THNSL1: variants seen among roughly 807,000 people sequenced by gnomAD.
THNSL1 encodes threonine synthase like 1.
THNSL1 carries 48 observed loss-of-function variants against 50.4 expected under a neutral mutation model. The ratio of observed to expected loss-of-function variants is 0.95; its 90% confidence interval spans 0.76 to 1.21. The LOEUF is 1.21. THNSL1 is among the 50% of genes most tolerant of loss of function. The pLI, the probability that THNSL1 is intolerant of heterozygous loss-of-function variation, is 0.00. For missense variants in THNSL1, 896 were observed against 871.7 expected, an observed-to-expected ratio of 1.03 and a Z score of -0.35; for synonymous variants, 309 against 306.1, an observed-to-expected ratio of 1.01 and a Z score of -0.10.
the THNSL1 span, among the ~76,000 whole-genome samples, chr10:24,981,431 T>C: frequency 1.3e-5 from 2 of 152,204 alleles, no homozygotes; most frequent in South Asian, 2.1e-4. Context: ...AATATAGTTA[T>C]CATTTTTGTG....
chr10:25,003,912 G>A, the THNSL1 span, among the ~76,000 whole-genome samples: 1 of 152,148 alleles, frequency 6.6e-6, no homozygotes, highest in African/African-American at 2.4e-5. Flanking sequence ...CACTTTAAGT[G>A]AGAATTTAGC....
At chr10:25,016,134 C>T (rs938372463), upstream of THNSL1, 1 of 1,246,000 alleles carries the variant, frequency 8.0e-7, no homozygotes. Flanking sequence ...TATTTCTCTC[C>T]GGATTGCTAA....
Position 25,024,680 on chromosome 10 carries a change from C to T in THNSL1, c.1457C>T (p.Ala486Val). 3 of 1,614,228 alleles carry T rather than the reference C, an allele frequency of 1.9e-6. No individual in the cohort carries two copies. Among genetic ancestry groups the T allele is most frequent in the Non-Finnish European group, 1.7e-6 (2 of 1,180,040 alleles). ...CCGCAGGTAGTTTATCATGCTTCCG[C>T]ATATCTTGATCTTGTTAGTCAAGGA... ...LLPQVVYHAS[A>V]YLDLVSQGFI... The change falls in exon 3 of 3, where the codon GCA becomes GTA. Residue 486 changes from alanine to valine, a missense_variant. By Grantham distance (64) the Ala-to-Val change is moderately conservative. Coordinates refer to ENST00000376356, the MANE Select transcript of THNSL1 (RefSeq NM_024838.5).
chr10:25,022,135 T>C (rs1045649416), intron 2 of THNSL1, among the ~76,000 whole-genome samples: 2 of 152,190 alleles, frequency 1.3e-5, no homozygotes, highest in African/African-American at 4.8e-5. Flanking sequence ...ACATGAACAT[T>C]GCACAGGTAT....
chr10:25,005,367 A>G, the THNSL1 span, among the ~76,000 whole-genome samples: 1 of 152,240 alleles, frequency 6.6e-6, no homozygotes, highest in Admixed American at 6.5e-5. Flanking sequence ...TCATTAAGAC[A>G]GTAAATTTAC....
chr10:24,958,788 A>C, the THNSL1 span, among the ~76,000 whole-genome samples: 1 of 152,230 alleles, frequency 6.6e-6, no homozygotes, highest in African/African-American at 2.4e-5. Context: ...GACCTGAGGA[A>C]TATCAGCAGT....
At position 25,025,291 on chromosome 10, in the gene THNSL1, AG is replaced by A. The variant is rs1383341179; in HGVS notation, c.2069del (p.Ser690IlefsTer20). ...KIKEINETSS[S>X]QLYLLGSYNA... is the part of the protein sequence containing the mutation. Reference sequence around the variant, plus strand: ...TAAAGAAATCAATGAGACTTCATCAAGTCAGCTCTATTTGCTGGGTTCATAC... The same window carrying A: ...TAAAGAAATCAATGAGACTTCATCAATCAGCTCTATTTGCTGGGTTCATAC... On this transcript the variant is annotated frameshift_variant, in exon 3 of 3. Transcript: ENST00000376356. LOFTEE classifies it high-confidence loss of function. The A allele has an allele frequency of 6.2e-7, 1 of 1,614,074 alleles. No homozygotes were observed. The highest frequency in any genetic ancestry group is 1.3e-5 in the African/African-American group (1 of 74,932).
At chr10:24,955,859 ATTGC>A in the THNSL1 span, among the ~76,000 whole-genome samples, 1 of 152,090 alleles carries the variant, frequency 6.6e-6, no homozygotes, top group Non-Finnish European at 1.5e-5. Flanking sequence ...AGCTGGAAAG[ATTGC>A]TTGAGGCCAG....
chr10:24,999,390 A>G, the THNSL1 span: 7 of 1,590,044 alleles, frequency 4.4e-6, 1 homozygote, highest in Middle Eastern at 6.7e-4. Flanking sequence ...ATAAAGCATG[A>G]TAAAACCTAC....
the THNSL1 span, among the ~76,000 whole-genome samples, chr10:24,976,074 T>G: frequency 6.6e-6 from 1 of 152,224 alleles, no homozygotes; most frequent in Non-Finnish European, 1.5e-5. Context: ...CCACATGCCT[T>G]TCTACCCCTT....
chr10:25,026,539 T>C lies in THNSL1; in HGVS notation c.*1084T>C, dbSNP rs1182790420. The C allele has an allele frequency of 3.6e-5, 6 of 166,862 alleles. No homozygotes were observed. Among genetic ancestry groups the C allele is most frequent in the African/African-American group, 1.4e-4 (6 of 41,480 alleles). 10.3% of individuals were successfully genotyped at this position (166,862 alleles called of 1,614,324 possible). ...GTGAACATTGTCTTTTTCTGGCAGCTGAAACTGCACACAACTGATACACAT... is the reference window on the plus strand; with the variant it reads ...GTGAACATTGTCTTTTTCTGGCAGCCGAAACTGCACACAACTGATACACAT... On this transcript the variant is annotated 3_prime_UTR_variant, in exon 3 of 3. Coordinates refer to ENST00000376356, the MANE Select transcript of THNSL1 (RefSeq NM_024838.5).
chr10:25,005,530 C>A, the THNSL1 span, among the ~76,000 whole-genome samples: 1 of 152,054 alleles, frequency 6.6e-6, no homozygotes, highest in Non-Finnish European at 1.5e-5. Context: ...CAATTTTTCC[C>A]AGTATTACTG....
upstream of THNSL1, among the ~76,000 whole-genome samples, chr10:25,011,980 G>A (rs1850457275): frequency 6.6e-6 from 1 of 152,218 alleles, no homozygotes; most frequent in Non-Finnish European, 1.5e-5. Context: ...GGTTTCATGG[G>A]CTGGGCCCAG....
chr10:25,016,247 G>T (rs185115500), upstream of THNSL1: 4 of 990,242 alleles, frequency 4.0e-6, no homozygotes, highest in Non-Finnish European at 5.0e-6. Context: ...TTTCTGCAGC[G>T]CCTTCTGCTA....
chr10:25,023,143 T>C (rs1336704692), intron 2 of THNSL1, 33 bp from the exon 3 acceptor site: 21 of 1,377,072 alleles, frequency 1.5e-5, no homozygotes, highest in Non-Finnish European at 2.1e-5. Context: ...AATTATCTTT[T>C]GTTGTTTTTT....
rs1850848598 is a variant in THNSL1, at chr10:25,026,171, A to C, written c.*716A>C. Reference sequence around the variant, plus strand: ...TAGGATTACAGGCGTGAGCCTCTGCACCTGGCTAGGGCCAGTGTTTTTAAC... The same window carrying C: ...TAGGATTACAGGCGTGAGCCTCTGCCCCTGGCTAGGGCCAGTGTTTTTAAC... On this transcript the variant is annotated 3_prime_UTR_variant, in exon 3 of 3. Transcript: ENST00000376356. 6.0e-6 allele frequency: 1 copy of C among 165,342 alleles called. No individual in the cohort carries two copies. The highest frequency in any genetic ancestry group is 1.9e-4 in the East Asian group (1 of 5,184). 10.2% of individuals were successfully genotyped at this position (165,342 alleles called of 1,614,324 possible). A position where few individuals can be genotyped will look rare whatever the true frequency, so the allele number is the denominator to read the frequency against.
At chr10:25,013,015 C>G (rs904594245), upstream of THNSL1, among the ~76,000 whole-genome samples, 1 of 152,168 alleles carries the variant, frequency 6.6e-6, no homozygotes, top group Non-Finnish European at 1.5e-5. Context: ...CTGTGCTGCT[C>G]TCATGATAGT....
In THNSL1 at chr10:25,023,922, A is replaced by T. The variant is rs752149226; in HGVS notation, c.699A>T (p.Ser233=). 1.2e-6 allele frequency: 2 copies of T among 1,614,094 alleles called. No individual in the cohort carries two copies. The highest frequency in any genetic ancestry group is 3.3e-5 in the Admixed American group (2 of 60,008). ...YQDVDSETFI[S]TRHVWPEDCE... ...ATGTGGACTCGGAAACATTCATTTC[A>T]ACAAGACACGTTTGGCCTGAAGACT... The change falls in exon 3 of 3, where the codon TCA becomes TCT. Residue 233 remains serine, a synonymous_variant. Coordinates refer to ENST00000376356, the MANE Select transcript of THNSL1 (RefSeq NM_024838.5).
At chr10:24,973,257 A>G in the THNSL1 span, among the ~76,000 whole-genome samples, 1 of 152,020 alleles carries the variant, frequency 6.6e-6, no homozygotes, top group South Asian at 2.1e-4. Flanking sequence ...GGGTGAATTG[A>G]GAGTTGAACC....
Sources: allele counts gnomAD v4.1 joint callset (sites outside exome capture counted in the v4.1 genomes callset), GRCh38; gene constraint gnomAD v4.1.1; transcripts MANE v1.5; gene names NCBI Gene and HGNC (gene_info 2026-07-23, HGNC 2026-07-21).